CNTNAP2: variants seen among roughly 807,000 people sequenced by gnomAD.
CNTNAP2 encodes the protein contactin-associated protein-like 2.
CNTNAP2 carries 98 observed loss-of-function variants against 155.2 expected under a neutral mutation model. That is an observed-to-expected ratio of 0.63 (90% CI 0.54 to 0.75). CNTNAP2 has a LOEUF of 0.75. Ranked by LOEUF, CNTNAP2 falls within the 30% of genes least tolerant of loss-of-function variation. The pLI is 0.00. For synonymous variants in CNTNAP2, 651 were observed against 631.2 expected, an observed-to-expected ratio of 1.03 and a Z score of -0.47; for missense variants, 1,727 against 1,688.1, an observed-to-expected ratio of 1.02 and a Z score of -0.40.
chr7:146,187,827 T>A (rs2116846800), intron 1 of CNTNAP2, among the ~76,000 whole-genome samples: 1 of 152,308 alleles, frequency 6.6e-6, no homozygotes, highest in Admixed American at 6.5e-5. Flanking sequence ...TGGATTATTA[T>A]GAAGCATGAA....
At chr7:147,208,485 G>C (rs1803067696) in intron 8 of CNTNAP2, among the ~76,000 whole-genome samples, 2 of 151,946 alleles carry the variant, frequency 1.3e-5, no homozygotes, top group East Asian at 3.9e-4. Flanking sequence ...AAAAGTGCAG[G>C]GTCTAGTAGG....
rs144926889 is a variant in CNTNAP2 at position 147,804,299 on chromosome 7, T to A, written c.2099-99266T>A. On this transcript the variant is annotated intron_variant, in intron 13 of 23. Transcript: ENST00000361727. ...ATGGTTTAAAAACAGCTGTTAGCCA[T>A]GAAAACTGTGGTGACATCTACTTAC... is the stretch of plus-strand genomic sequence containing the variant. Among the ~76,000 whole-genome samples, 76 of 152,308 alleles carry A rather than the reference T, an allele frequency of 5.0e-4. 1 individual carries two copies. Among genetic ancestry groups the A allele is most frequent in the African/African-American group, 1.8e-3 (73 of 41,570 alleles).
At chr7:147,128,212 C>T (rs1002011962) in intron 6 of CNTNAP2, among the ~76,000 whole-genome samples, 9 of 152,094 alleles carry the variant, frequency 5.9e-5, no homozygotes, top group African/African-American at 1.7e-4. Context: ...CAATAATGGT[C>T]ATTAGACTAC....
chr7:146,707,839 T>C (rs1800992663), intron 1 of CNTNAP2, among the ~76,000 whole-genome samples: 1 of 152,150 alleles, frequency 6.6e-6, no homozygotes, highest in Non-Finnish European at 1.5e-5. Context: ...GTTAACTCTT[T>C]GGTTTCAGCC....
intron 2 of CNTNAP2, among the ~76,000 whole-genome samples, chr7:146,836,447 C>T (rs1210005825): frequency 6.6e-6 from 1 of 152,072 alleles, no homozygotes; most frequent in African/African-American, 2.4e-5. Flanking sequence ...AGTATTTAAC[C>T]TTTTACAGAA....
chr7:147,942,217 G>T (rs1045609302), intron 14 of CNTNAP2, among the ~76,000 whole-genome samples: 1 of 152,020 alleles, frequency 6.6e-6, no homozygotes, highest in African/African-American at 2.4e-5. Flanking sequence ...TGCCCCATAC[G>T]GAAATCTGAT....
intron 1 of CNTNAP2, among the ~76,000 whole-genome samples, chr7:146,508,200 A>G (rs1797413524): frequency 6.6e-6 from 1 of 152,154 alleles, no homozygotes; most frequent in Non-Finnish European, 1.5e-5. Flanking sequence ...GGCCACCTGG[A>G]AAGTGGTATT....
At chr7:147,705,624 G>T (rs1015337852) in intron 13 of CNTNAP2, among the ~76,000 whole-genome samples, 1 of 152,076 alleles carries the variant, frequency 6.6e-6, no homozygotes, top group South Asian at 2.1e-4. Flanking sequence ...CTGTCTAGAT[G>T]ATTTGTCTCA....
intron 13 of CNTNAP2, among the ~76,000 whole-genome samples, chr7:147,687,793 C>A (rs934051601): frequency 6.6e-6 from 1 of 152,120 alleles, no homozygotes; most frequent in Non-Finnish European, 1.5e-5. Flanking sequence ...AATCAGTACA[C>A]TGTAAGTTCT....
intron 1 of CNTNAP2, among the ~76,000 whole-genome samples, chr7:146,489,530 G>C (rs576329165): frequency 1.3e-5 from 2 of 152,198 alleles, no homozygotes; most frequent in East Asian, 3.9e-4. Flanking sequence ...CAGCCAATTT[G>C]CCAACTGGGG....
intron 2 of CNTNAP2, among the ~76,000 whole-genome samples, chr7:146,795,633 C>T (rs1457731941): frequency 2.0e-5 from 3 of 152,160 alleles, no homozygotes; most frequent in East Asian, 3.9e-4. Flanking sequence ...ATCTATCAGA[C>T]GTTGGTTACT....
chr7:147,880,859 G>C (rs1175556777), intron 13 of CNTNAP2, among the ~76,000 whole-genome samples: 1 of 58,872 alleles, frequency 1.7e-5, no homozygotes, highest in East Asian at 4.7e-4. Flanking sequence ...AGTTGGGTGT[G>C]TGTGTGTGTG....
intron 13 of CNTNAP2, among the ~76,000 whole-genome samples, chr7:147,818,746 CTTTATTAGGT>C (rs1798316192): frequency 2.0e-5 from 3 of 152,026 alleles, no homozygotes; most frequent in Admixed American, 1.3e-4. Context: ...TAATCCTTTT[CTTTATTAGGT>C]TTTATTTTGC....
chr7:147,398,115 AC>A (rs1796850053), intron 10 of CNTNAP2, among the ~76,000 whole-genome samples: 1 of 152,092 alleles, frequency 6.6e-6, no homozygotes, highest in Non-Finnish European at 1.5e-5. Flanking sequence ...TTTTACTTAA[AC>A]CACTGAAGAG....
chr7:147,043,853 T>C, intron 3 of CNTNAP2, 54 bp from the exon 4 acceptor site: 3 of 1,599,414 alleles, frequency 1.9e-6, no homozygotes, highest in Non-Finnish European at 2.6e-6. Context: ...ACAGAGGACA[T>C]GATTGTTTCT....
At chr7:146,793,849 T>C (rs1802721077) in intron 2 of CNTNAP2, among the ~76,000 whole-genome samples, 1 of 152,218 alleles carries the variant, frequency 6.6e-6, no homozygotes. Context: ...ATCACAACTC[T>C]AGGGACCATC....
intron 20 of CNTNAP2, among the ~76,000 whole-genome samples, chr7:148,258,328 C>T (rs1301306143): frequency 6.6e-6 from 1 of 152,230 alleles, no homozygotes; most frequent in Non-Finnish European, 1.5e-5. Flanking sequence ...AGGAGAGTCA[C>T]ACCTAATCCT....
At chr7:146,573,729 G>A (rs778747940) in intron 1 of CNTNAP2, among the ~76,000 whole-genome samples, 3 of 152,130 alleles carry the variant, frequency 2.0e-5, no homozygotes, top group Non-Finnish European at 4.4e-5. Context: ...AGGATTTTGC[G>A]TTCCTGAGCC....
chr7:147,152,617 C>A (rs1047909835), intron 8 of CNTNAP2, among the ~76,000 whole-genome samples: 1 of 151,882 alleles, frequency 6.6e-6, no homozygotes, highest in East Asian at 1.9e-4. Flanking sequence ...AATGTGTTTA[C>A]AGTATAGTTG....
Sources: allele counts gnomAD v4.1 joint callset (sites outside exome capture counted in the v4.1 genomes callset), GRCh38; gene constraint gnomAD v4.1.1; transcripts MANE v1.5; gene names NCBI Gene and HGNC (gene_info 2026-07-23, HGNC 2026-07-21).